Variants in SNX9 observed in about 807,000 individuals in gnomAD.
SNX9 encodes sorting nexin 9, also known as sorting nexin-9.
A neutral mutation model predicts 89.4 loss-of-function variants in SNX9; 44 were observed. That is an observed-to-expected ratio of 0.49 (90% CI 0.39 to 0.63). The LOEUF (loss-of-function observed/expected upper bound fraction) is 0.63. SNX9 is among the 30% of genes least tolerant of loss of function. SNX9 has a pLI of 0.00. For missense variants in SNX9, 578 were observed against 736.1 expected (o/e 0.79, Z 2.49); for synonymous variants, 236 against 247.8 (o/e 0.95, Z 0.45).
chr6:157,856,814 C>CT (rs958623667), intron 1 of SNX9, among the ~76,000 whole-genome samples: 12 of 150,664 alleles, frequency 8.0e-5, no homozygotes, highest in South Asian at 2.1e-4. Context: ...GATTCACATT[C>CT]TTTTTTTTTC....
intron 9 of SNX9, among the ~76,000 whole-genome samples, chr6:157,913,206 C>G (rs1371547503): frequency 6.6e-6 from 1 of 152,094 alleles, no homozygotes; most frequent in Admixed American, 6.5e-5. Context: ...TGCTTTAGTA[C>G]AATGATGGTG....
At position 157,873,162 on chromosome 6, in the gene SNX9, A is replaced by T. The variant is rs780851314; in HGVS notation, c.160A>T (p.Thr54Ser). 3 of 1,599,492 alleles carry T rather than the reference A, an allele frequency of 1.9e-6. 1 individual carries two copies. The highest frequency in any genetic ancestry group is 2.6e-6 in the Non-Finnish European group (3 of 1,172,548). Residue 54 changes from threonine (T) to serine (S), a missense_variant, in exon 3 of 18, where the codon ACA becomes TCA. Around this residue, in one of 2 missense-constraint regions of SNX9, gnomAD observed 230 missense variants for 244.7 expected, o/e 0.94. Coordinates refer to ENST00000392185, the MANE Select transcript of SNX9 (RefSeq NM_016224.5). ...CAAAGGAGAACGAGGGCTGGTTCCC[A>T]CAGACTACGTTGAAGTAAGAGCTTC... is the stretch of plus-strand genomic sequence containing the variant. ...NIKGERGLVP[T>S]DYVEILPSDG...
intron 5 of SNX9, among the ~76,000 whole-genome samples, chr6:157,900,600 C>T (rs1017446237): frequency 3.3e-5 from 5 of 151,748 alleles, no homozygotes; most frequent in African/African-American, 1.2e-4. Context: ...TTAGTGAGGG[C>T]GGGGGTAGGT....
intron 1 of SNX9, among the ~76,000 whole-genome samples, chr6:157,866,632 T>G (rs369871638): frequency 6.6e-6 from 1 of 152,186 alleles, no homozygotes; most frequent in South Asian, 2.1e-4. Flanking sequence ...CATGGCTGTT[T>G]AGGTAACTCG....
At chr6:157,920,412 G>A (rs1282502834) in intron 9 of SNX9, among the ~76,000 whole-genome samples, 1 of 152,162 alleles carries the variant, frequency 6.6e-6, no homozygotes, top group Non-Finnish European at 1.5e-5. Context: ...CTCCAAGCGA[G>A]CCTTCTACCC....
At chr6:157,920,275 A>T (rs1198188744) in intron 9 of SNX9, among the ~76,000 whole-genome samples, 1 of 152,158 alleles carries the variant, frequency 6.6e-6, no homozygotes, top group African/African-American at 2.4e-5. Context: ...ATGTGTATGC[A>T]TACAGCCTCA....
intron 4 of SNX9, among the ~76,000 whole-genome samples, chr6:157,892,985 T>C (rs1375454952): frequency 6.6e-6 from 1 of 152,214 alleles, no homozygotes; most frequent in African/African-American, 2.4e-5. Flanking sequence ...CAGCCGGTCC[T>C]TGATGGAAAC....
intron 6 of SNX9, among the ~76,000 whole-genome samples, chr6:157,905,545 C>G (rs1783193237): frequency 6.6e-6 from 1 of 151,654 alleles, no homozygotes; most frequent in Non-Finnish European, 1.5e-5. Flanking sequence ...CCCCCCACCC[C>G]CTCCCCATAG....
At chr6:157,842,016 G>A (rs1475316377) in intron 1 of SNX9, among the ~76,000 whole-genome samples, 1 of 151,762 alleles carries the variant, frequency 6.6e-6, no homozygotes, top group Non-Finnish European at 1.5e-5. Flanking sequence ...TCATTATTTT[G>A]AAGCAAATTC....
chr6:157,904,445 A>G (rs1326925188), intron 6 of SNX9, among the ~76,000 whole-genome samples: 1 of 152,152 alleles, frequency 6.6e-6, no homozygotes. Context: ...AAAAAAAATA[A>G]AAGGCATCTT....
chr6:157,841,688 G>A (rs959614623), intron 1 of SNX9, among the ~76,000 whole-genome samples: 4 of 152,152 alleles, frequency 2.6e-5, no homozygotes, highest in African/African-American at 9.7e-5. Flanking sequence ...GGGAGGAGGT[G>A]TAGAACTGCA....
intron 14 of SNX9, 81 bp from the exon 15 acceptor site, chr6:157,937,353 A>G: frequency 3.2e-6 from 3 of 941,272 alleles, no homozygotes; most frequent in Non-Finnish European, 5.1e-6. Context: ...CAGGATTTAT[A>G]GTCTTTGGGT....
At chr6:157,901,772 C>G (rs963258473) in intron 5 of SNX9, 126 bp from the exon 6 acceptor site, 18 of 1,063,602 alleles carry the variant, frequency 1.7e-5, no homozygotes, top group Non-Finnish European at 1.5e-5. Context: ...TATACTATAC[C>G]CTTTTCTCCA....
intron 1 of SNX9, among the ~76,000 whole-genome samples, chr6:157,843,129 T>C (rs148739824): frequency 7.6e-4 from 116 of 152,312 alleles, no homozygotes; most frequent in African/African-American, 2.6e-3. Flanking sequence ...TTCAAGGAGA[T>C]GAAGCCTTCT....
At chr6:157,829,525 T>C (rs1258700613) in intron 1 of SNX9, 1 of 152,228 alleles carries the variant, frequency 6.6e-6, no homozygotes, top group Non-Finnish European at 1.5e-5. Flanking sequence ...CTGTGCTGTT[T>C]ATATGTATAT....
chr6:157,865,350 A>G (rs1782238135), intron 1 of SNX9, among the ~76,000 whole-genome samples: 1 of 151,836 alleles, frequency 6.6e-6, no homozygotes, highest in Admixed American at 6.6e-5. Flanking sequence ...GAAAAAAAAA[A>G]AAAAAAAAAC....
chr6:157,826,786 T>C (rs1221067172), intron 1 of SNX9, among the ~76,000 whole-genome samples: 1 of 94,792 alleles, frequency 1.1e-5, no homozygotes, highest in Non-Finnish European at 2.0e-5. Context: ...ATATATTATA[T>C]TATATATATA....
intron 10 of SNX9, among the ~76,000 whole-genome samples, chr6:157,925,907 G>A (rs1321961204): frequency 2.7e-5 from 4 of 150,902 alleles, no homozygotes; most frequent in African/African-American, 1.0e-4. Context: ...CAAGGCACCA[G>A]CATTTGCTGT....
rs1491214417 is a variant in SNX9 at position 157,834,149 on chromosome 6, G to GTTT, written c.12+10703_12+10704insTTT. Among the ~76,000 whole-genome samples the GTTT allele has an allele frequency of 3.9e-3, 231 of 59,996 alleles. 22 individuals carry two copies. The highest frequency in any genetic ancestry group is 0.014 in the African/African-American group (212 of 15,012). The allele number at this position is 59,996 out of a possible 152,430, so 39.4% of individuals were successfully genotyped here. A position where few individuals can be genotyped will look rare whatever the true frequency, so the allele number is the denominator to read the frequency against. The stretch of plus-strand genomic sequence containing the variant: ...GATCCTGCCATGTGGTGTCCACTGT[G>GTTT]GTTTTTTTTTTTTTTTTTTTTTTTT... On this transcript the variant is annotated intron_variant, in intron 1 of 17. Transcript: ENST00000392185.
Sources: allele counts gnomAD v4.1 joint callset (sites outside exome capture counted in the v4.1 genomes callset), GRCh38; gene constraint gnomAD v4.1.1; regional missense constraint gnomAD v4.1.1; transcripts MANE v1.5; gene names NCBI Gene and HGNC (gene_info 2026-07-23, HGNC 2026-07-21).